The following CELF4 variants were observed in gnomAD, a reference collection of about 807,000 sequenced individuals.
CELF4 encodes the protein CUGBP Elav-like family member 4, also known as CUG-BP- and ETR-3-like factor 4.
CELF4 carries 18 observed loss-of-function variants against 59.9 expected under a neutral mutation model. The observed-to-expected ratio is 0.30, with a 90% CI of 0.21 to 0.45. The LOEUF (loss-of-function observed/expected upper bound fraction) is 0.45, where lower values mean the gene tolerates loss of function less well. CELF4 is among the 20% of genes least tolerant of loss of function. The pLI, the probability that CELF4 is intolerant of heterozygous loss-of-function variation, is 1.00. For synonymous variants in CELF4, 261 were observed against 267.1 expected, an observed-to-expected ratio of 0.98 and a Z score of 0.22; for missense variants, 456 against 689.0, an observed-to-expected ratio of 0.66 and a Z score of 3.79.
At position 37,321,802 on chromosome 18, in the gene CELF4, C is replaced by T. The variant is rs2097132442; in HGVS notation, c.448+1G>A. The T allele has an allele frequency of 5.0e-6, 8 of 1,608,646 alleles. No individual in the cohort carries two copies. Among genetic ancestry groups the T allele is most frequent in the East Asian group, 4.5e-5 (2 of 44,660 alleles). On this transcript the variant is annotated splice_donor_variant, in intron 3 of 12. Transcript: ENST00000420428. LOFTEE classifies it high-confidence loss of function. Reference sequence around the variant, plus strand: ...AGGGGCAGAGACAAGTGGGCCCTCACGTGAAGGGGGCTGGCGCAGGCAGCT... The same window carrying T: ...AGGGGCAGAGACAAGTGGGCCCTCATGTGAAGGGGGCTGGCGCAGGCAGCT...
At chr18:37,261,951 C>T (rs1158610965) in intron 10 of CELF4, among the ~76,000 whole-genome samples, 3 of 152,210 alleles carry the variant, frequency 2.0e-5, no homozygotes, top group Non-Finnish European at 4.4e-5. Flanking sequence ...TGGAGGAACA[C>T]AGCCTTCTTT....
At chr18:37,348,621 G>T (rs1264128325) in intron 2 of CELF4, among the ~76,000 whole-genome samples, 1 of 152,042 alleles carries the variant, frequency 6.6e-6, no homozygotes, top group Non-Finnish European at 1.5e-5. Context: ...GTGGGACGGT[G>T]GGGGGATGGG....
At chr18:37,559,921 T>C (rs1363443666) in intron 1 of CELF4, among the ~76,000 whole-genome samples, 1 of 152,184 alleles carries the variant, frequency 6.6e-6, no homozygotes. Flanking sequence ...TACATGAGTG[T>C]GTAGGGGGCA....
At chr18:37,341,680 C>A (rs1053173341) in intron 2 of CELF4, among the ~76,000 whole-genome samples, 2 of 152,178 alleles carry the variant, frequency 1.3e-5, no homozygotes, top group Non-Finnish European at 2.9e-5. Flanking sequence ...TGCTGTCCAG[C>A]ATGCTCCAGA....
At chr18:37,530,451 G>T (rs756109122) in intron 1 of CELF4, among the ~76,000 whole-genome samples, 3 of 152,110 alleles carry the variant, frequency 2.0e-5, no homozygotes, top group Non-Finnish European at 4.4e-5. Context: ...GTGGCCCTAG[G>T]GGAGAAGCAA....
chr18:37,253,781 G>A lies in CELF4; in HGVS notation c.*30C>T. 1.3e-6 allele frequency: 2 copies of A among 1,582,020 alleles called. No individual in the cohort carries two copies. The highest frequency in any genetic ancestry group is 1.4e-5 in the African/African-American group (1 of 72,542). Reference sequence around the variant, plus strand: ...CCCCCGGTTACCTGTGCGAGTCCTGGTCTCCCCCGGGGGACGCTCCCGCCG... The same window carrying A: ...CCCCCGGTTACCTGTGCGAGTCCTGATCTCCCCCGGGGGACGCTCCCGCCG... On this transcript the variant is annotated 3_prime_UTR_variant, in exon 12 of 13. Coordinates refer to ENST00000420428, the MANE Select transcript of CELF4 (RefSeq NM_020180.4). The surrounding 1 kb of genome is among the most constrained non-coding windows in gnomAD (Gnocchi z 4.5).
At chr18:37,308,627 C>T (rs75217237) in intron 3 of CELF4, among the ~76,000 whole-genome samples, 3,516 of 152,300 alleles carry the variant, frequency 0.023, 80 homozygotes, top group Non-Finnish European at 0.031. Flanking sequence ...CATCAGCTCT[C>T]CAGGAGCAAG....
At chr18:37,472,290 G>A (rs931603915) in intron 2 of CELF4, among the ~76,000 whole-genome samples, 3 of 152,240 alleles carry the variant, frequency 2.0e-5, no homozygotes, top group African/African-American at 7.2e-5. Context: ...TCCATTCAGC[G>A]TGGTAGGGTT....
chr18:37,355,916 C>T (rs1220966573), intron 2 of CELF4, among the ~76,000 whole-genome samples: 1 of 152,162 alleles, frequency 6.6e-6, no homozygotes, highest in Non-Finnish European at 1.5e-5. Flanking sequence ...GTGGGGATAC[C>T]TACATGAGAT....
intron 8 of CELF4, among the ~76,000 whole-genome samples, chr18:37,267,455 C>T (rs933384164): frequency 7.9e-5 from 12 of 152,126 alleles, no homozygotes; most frequent in East Asian, 1.9e-4. Context: ...CTGGTTTTGG[C>T]GACCAAGGCT....
At chr18:37,370,714 C>T (rs1392774553) in intron 2 of CELF4, among the ~76,000 whole-genome samples, 1 of 152,180 alleles carries the variant, frequency 6.6e-6, no homozygotes, top group African/African-American at 2.4e-5. Flanking sequence ...CTTAGGACCA[C>T]CCTGGAGTGA....
intron 2 of CELF4, among the ~76,000 whole-genome samples, chr18:37,393,798 C>CAAATGCT (rs1340046899): frequency 6.6e-6 from 1 of 151,438 alleles, no homozygotes; most frequent in Non-Finnish European, 1.5e-5. Flanking sequence ...GTGCGGAGCA[C>CAAATGCT]ACTTGACAGC....
At chr18:37,377,582 C>G (rs117755044) in intron 2 of CELF4, among the ~76,000 whole-genome samples, 1 of 152,146 alleles carries the variant, frequency 6.6e-6, no homozygotes, top group South Asian at 2.1e-4. Flanking sequence ...GCTGGGAACA[C>G]GGTGATGAGA....
At chr18:37,327,215 C>T (rs1342025896) in intron 2 of CELF4, among the ~76,000 whole-genome samples, 2 of 152,138 alleles carry the variant, frequency 1.3e-5, no homozygotes, top group Admixed American at 1.3e-4. Flanking sequence ...TTCTGTGCTG[C>T]CAAGTCTACT....
Position 37,274,884 on chromosome 18 carries a change from C to T in CELF4, c.578G>A (p.Gly193Glu). ...ILRGPDGNSK[G>E]CAFVKYSSHA... Reference sequence around the variant, plus strand: ...GGAGGAGTACTTCACAAAGGCGCACCCTGCGAGGACGCGAGAGGCCGAGCT... The same window carrying T: ...GGAGGAGTACTTCACAAAGGCGCACTCTGCGAGGACGCGAGAGGCCGAGCT... The change falls in exon 5 of 13, where the codon GGG becomes GAG. Residue 193 changes from glycine to glutamate, a missense_variant and splice_region_variant. Gly to Glu is a moderately conservative substitution (Grantham distance 98). Coordinates refer to ENST00000420428, the MANE Select transcript of CELF4 (RefSeq NM_020180.4). The T allele has an allele frequency of 6.2e-7, 1 of 1,606,520 alleles. No homozygotes were observed. The highest frequency in any genetic ancestry group is 8.5e-7 in the Non-Finnish European group (1 of 1,177,292).
chr18:37,561,908 T>C (rs1259223037), intron 1 of CELF4, among the ~76,000 whole-genome samples: 3 of 152,244 alleles, frequency 2.0e-5, no homozygotes, highest in South Asian at 2.1e-4. Flanking sequence ...AGTGCTCTAA[T>C]AGGGGAGAAA....
intron 2 of CELF4, among the ~76,000 whole-genome samples, chr18:37,326,082 AG>A (rs1251922306): frequency 6.6e-6 from 1 of 152,054 alleles, no homozygotes; most frequent in Non-Finnish European, 1.5e-5. Context: ...CTGAAGAGGG[AG>A]GAGGATGGAG....
chr18:37,304,073 A>AT (rs1340645966), intron 3 of CELF4, among the ~76,000 whole-genome samples: 1 of 152,152 alleles, frequency 6.6e-6, no homozygotes, highest in Non-Finnish European at 1.5e-5. Context: ...TGTGCTCTGA[A>AT]TTTTTTTGAA....
At chr18:37,414,870 CATCCACCACCG>C (rs2099514730) in intron 2 of CELF4, among the ~76,000 whole-genome samples, 1 of 152,150 alleles carries the variant, frequency 6.6e-6, no homozygotes, top group Non-Finnish European at 1.5e-5. Context: ...CCCATCCACT[CATCCACCACCG>C]ATCCACCCAC....
Sources: gnomAD v4.1 joint callset for allele counts (sites outside exome capture counted in the v4.1 genomes callset) on GRCh38, gnomAD v4.1.1 for gene constraint, Gnocchi (gnomAD v3.1) non-coding constraint, MANE v1.5 for transcripts, NCBI Gene and HGNC (gene_info 2026-07-23, HGNC 2026-07-21) for gene names.